CDH18: variants seen among roughly 807,000 people sequenced by gnomAD.
The protein encoded by CDH18 is cadherin 18.
A neutral mutation model predicts 67.9 loss-of-function variants in CDH18; 31 were observed. The ratio of observed to expected loss-of-function variants is 0.46; its 90% confidence interval spans 0.34 to 0.62. The LOEUF (loss-of-function observed/expected upper bound fraction) is 0.62, where lower values mean the gene tolerates loss of function less well. CDH18 is among the 20% of genes least tolerant of loss of function. The pLI is 0.01. For missense variants in CDH18, 890 were observed against 975.5 expected (o/e 0.91, Z 1.17); for synonymous variants, 362 against 347.2 (o/e 1.04, Z -0.48).
At chr5:19,676,223 T>C (rs992548329) in intron 5 of CDH18, among the ~76,000 whole-genome samples, 26 of 152,094 alleles carry the variant, frequency 1.7e-4, no homozygotes, top group African/African-American at 6.3e-4. Context: ...CTACGACTCA[T>C]TGGCATCCCT....
chr5:20,354,008 A>G (rs1741410349), intron 1 of CDH18, among the ~76,000 whole-genome samples: 1 of 152,210 alleles, frequency 6.6e-6, no homozygotes, highest in South Asian at 2.1e-4. Flanking sequence ...TCCTGCTTCC[A>G]TCAGCTATAA....
chr5:20,515,518 T>C (rs1185428807), intron 1 of CDH18, among the ~76,000 whole-genome samples: 1 of 152,052 alleles, frequency 6.6e-6, no homozygotes, highest in Non-Finnish European at 1.5e-5. Context: ...AAATGCCACC[T>C]AGATACGCAT....
intron 1 of CDH18, among the ~76,000 whole-genome samples, chr5:20,453,921 T>C (rs1750657636): frequency 6.6e-6 from 1 of 152,068 alleles, no homozygotes; most frequent in Non-Finnish European, 1.5e-5. Context: ...AAATATCCAA[T>C]AACAGTTGCG....
intron 1 of CDH18, among the ~76,000 whole-genome samples, chr5:20,287,399 C>T (rs1188119851): frequency 6.6e-6 from 1 of 151,630 alleles, no homozygotes; most frequent in East Asian, 1.9e-4. Context: ...AATATTGTGC[C>T]TCCTTTTTCC....
chr5:19,564,006 G>T (rs1580231349), intron 8 of CDH18, among the ~76,000 whole-genome samples: 1 of 152,176 alleles, frequency 6.6e-6, no homozygotes, highest in Non-Finnish European at 1.5e-5. Context: ...AACACATCCT[G>T]CAACCTATGG....
intron 2 of CDH18, among the ~76,000 whole-genome samples, chr5:20,179,873 C>T (rs1419478629): frequency 1.3e-5 from 2 of 152,076 alleles, no homozygotes; most frequent in Admixed American, 6.6e-5. Context: ...TTCTGGCAGC[C>T]TGAGGGCAGC....
At chr5:19,483,710 T>C (rs1739888383) in intron 11 of CDH18, among the ~76,000 whole-genome samples, 158 bp from the exon 12 acceptor site, 1 of 152,166 alleles carries the variant, frequency 6.6e-6, no homozygotes, top group South Asian at 2.1e-4. Context: ...GAGAAGCTAA[T>C]ATTGGTTCTC....
intron 5 of CDH18, among the ~76,000 whole-genome samples, chr5:19,661,775 A>T (rs1427385104): frequency 1.3e-5 from 2 of 152,058 alleles, no homozygotes; most frequent in African/African-American, 2.4e-5. Context: ...TAAGAGCCTG[A>T]CCCATATACA....
intron 2 of CDH18, among the ~76,000 whole-genome samples, chr5:20,067,249 CTG>C (rs966725725): frequency 3.7e-4 from 56 of 151,490 alleles, no homozygotes; most frequent in African/African-American, 1.4e-3. Context: ...TGAGAGCAGA[CTG>C]TAGTATTTTA....
chr5:19,532,650 A>T (rs574500870), intron 9 of CDH18, among the ~76,000 whole-genome samples: 1 of 152,188 alleles, frequency 6.6e-6, no homozygotes, highest in Non-Finnish European at 1.5e-5. Flanking sequence ...TAAGATTAAG[A>T]CCCAAAGCCC....
At chr5:20,202,928 A>C (rs1434395617) in intron 2 of CDH18, among the ~76,000 whole-genome samples, 13 of 152,276 alleles carry the variant, frequency 8.5e-5, no homozygotes. Context: ...AAAACAAAAC[A>C]AAACAAACAT....
intron 2 of CDH18, among the ~76,000 whole-genome samples, chr5:19,875,217 G>A (rs1047184849): frequency 2.6e-5 from 4 of 152,124 alleles, no homozygotes; most frequent in Admixed American, 6.5e-5. Flanking sequence ...GTAATTAAGC[G>A]TTTGATATTT....
At chr5:19,734,674 G>C (rs1333336387) in intron 4 of CDH18, among the ~76,000 whole-genome samples, 1 of 152,044 alleles carries the variant, frequency 6.6e-6, no homozygotes, top group Non-Finnish European at 1.5e-5. Flanking sequence ...TTAATGTTTA[G>C]GGCTATACAT....
At chr5:19,674,003 C>T (rs1759123490) in intron 5 of CDH18, among the ~76,000 whole-genome samples, 1 of 152,016 alleles carries the variant, frequency 6.6e-6, no homozygotes, top group South Asian at 2.1e-4. Flanking sequence ...AAATTTAACA[C>T]AATCCTCACA....
At chr5:19,733,300 T>C (rs1767865191) in intron 4 of CDH18, among the ~76,000 whole-genome samples, 1 of 152,212 alleles carries the variant, frequency 6.6e-6, no homozygotes, top group African/African-American at 2.4e-5. Context: ...CCTTTCCTAA[T>C]TGTTTTTACA....
At chr5:20,501,506 T>TG (rs1416633635) in intron 1 of CDH18, among the ~76,000 whole-genome samples, 2 of 25,316 alleles carry the variant, frequency 7.9e-5, no homozygotes, top group African/African-American at 1.1e-4. Flanking sequence ...TATACATATT[T>TG]TATATATATT....
chr5:20,478,082 C>T (rs73764405), intron 1 of CDH18, among the ~76,000 whole-genome samples: 8,376 of 152,174 alleles, frequency 0.055, 769 homozygotes, highest in African/African-American at 0.19. Flanking sequence ...TCTTGGGTCA[C>T]AAATAAATAT....
rs1347949535 is a variant in CDH18, at chr5:20,366,657, A to G, written c.-579-111152T>C. Reference sequence around the variant, plus strand: ...TTGCCCCCCTAACAGTGGAAGTAATAATAATTCATCAACAGAGTTGTTGTA... The same window carrying G: ...TTGCCCCCCTAACAGTGGAAGTAATGATAATTCATCAACAGAGTTGTTGTA... On this transcript the variant is annotated intron_variant, in intron 1 of 14. Coordinates refer to the CDH18 transcript ENST00000507958. Among the ~76,000 whole-genome samples, 4 of 152,200 alleles carry G rather than the reference A, an allele frequency of 2.6e-5. 1 individual carries two copies. The highest frequency in any genetic ancestry group is 6.5e-5 in the Admixed American group (1 of 15,276).
chr5:19,813,397 AAAG>A (rs1373949897), intron 3 of CDH18, among the ~76,000 whole-genome samples: 1 of 152,144 alleles, frequency 6.6e-6, no homozygotes, highest in Non-Finnish European at 1.5e-5. Flanking sequence ...GTGGATAAGA[AAAG>A]AAGATAAATA....
Sources: gnomAD v4.1 joint callset for allele counts (sites outside exome capture counted in the v4.1 genomes callset) on GRCh38, gnomAD v4.1.1 for gene constraint, MANE v1.5 for transcripts, NCBI Gene and HGNC (gene_info 2026-07-23, HGNC 2026-07-21) for gene names.